Variants in UMPS observed in about 807,000 individuals in gnomAD.
The protein encoded by UMPS is uridine monophosphate synthetase, also known as uridine 5'-monophosphate synthase.
A neutral mutation model predicts 38.9 loss-of-function variants in UMPS; 21 were observed. That is an observed-to-expected ratio of 0.54 (90% CI 0.38 to 0.78). The LOEUF is 0.78. UMPS is among the 30% of genes least tolerant of loss of function. The pLI, the probability that UMPS is intolerant of heterozygous loss-of-function variation, is 0.00. For missense variants in UMPS, 533 were observed against 591.6 expected (o/e 0.90, Z 1.03); for synonymous variants, 208 against 219.3 (o/e 0.95, Z 0.45).
chr3:124,746,157 T>A lies in UMPS; in HGVS notation c.*2073T>A. On this transcript the variant is annotated 3_prime_UTR_variant, in exon 6 of 6. Transcript: ENST00000232607. ...TTTAGAAATGTGGGCTCCTGCCATC[T>A]CCAGGACGCAGGCACTGTTCCTGTT... is the stretch of plus-strand genomic sequence containing the variant. The A allele has an allele frequency of 2.2e-6, 1 of 454,036 alleles. No homozygotes were observed. The highest frequency in any genetic ancestry group is 4.4e-6 in the Non-Finnish European group (1 of 226,710). The allele number at this position is 454,036 out of a possible 1,614,324, so 28.1% of individuals were successfully genotyped here. A position where few individuals can be genotyped will look rare whatever the true frequency, so the allele number is the denominator to read the frequency against.
rs2063588394 is a variant in UMPS at position 124,745,344 on chromosome 3, T to C, written c.*1260T>C. 4.4e-6 allele frequency: 2 copies of C among 452,276 alleles called. No individual in the cohort carries two copies. Among genetic ancestry groups the C allele is most frequent in the African/African-American group, 4.1e-5 (2 of 49,264 alleles). The allele number at this position is 452,276 out of a possible 1,614,324, so 28.0% of individuals were successfully genotyped here. A position where few individuals can be genotyped will look rare whatever the true frequency, so the allele number is the denominator to read the frequency against. ...TGTCAGCTGATGGCCCACTGTTCTT[T>C]AATGACTCAGAGGAATGCCTAGGAT... On this transcript the variant is annotated 3_prime_UTR_variant, in exon 6 of 6. Transcript: ENST00000232607.
intron 1 of UMPS, chr3:124,731,567 C>T (rs764624023): frequency 7.3e-6 from 3 of 412,960 alleles, no homozygotes; most frequent in Non-Finnish European, 1.5e-5. Context: ...CTCACTGCAG[C>T]CTGGAACTCC....
At position 124,748,147 on chromosome 3, in the gene UMPS, C is replaced by A. The variant is rs1336382451; in HGVS notation, c.*4063C>A. 2.3e-6 allele frequency: 1 copy of A among 440,218 alleles called. No homozygotes were observed. The highest frequency in any genetic ancestry group is 1.7e-5 in the South Asian group (1 of 60,066). 27.3% of individuals were successfully genotyped at this position (440,218 alleles called of 1,614,324 possible). On this transcript the variant is annotated 3_prime_UTR_variant, in exon 6 of 6. Transcript: ENST00000232607. ...ATAATACTATATTGCCCAGGCTGGT[C>A]TCGAACTCCTTAGCTCAAGTGATCC...
rs951187638 is a variant in UMPS at position 124,746,204 on chromosome 3, C to A, written c.*2120C>A. ...TGTTGATGAACCCTATTTCACAGGA[C>A]CCCTGCTAAGGTGATTTGAGGGGAA... On this transcript the variant is annotated 3_prime_UTR_variant, in exon 6 of 6. Transcript: ENST00000232607. The A allele has an allele frequency of 4.4e-6, 2 of 453,992 alleles. No individual in the cohort carries two copies. Among genetic ancestry groups the A allele is most frequent in the African/African-American group, 4.0e-5 (2 of 49,996 alleles). The allele number at this position is 453,992 out of a possible 1,614,324, so 28.1% of individuals were successfully genotyped here.
At position 124,746,799 on chromosome 3, in the gene UMPS, A is replaced by ATGTGTGTG. The variant is rs2063604138; in HGVS notation, c.*2717_*2718insTGTGTGTG. 1 of 291,882 alleles carries ATGTGTGTG rather than the reference A, an allele frequency of 3.4e-6. No individual in the cohort carries two copies. The highest frequency in any genetic ancestry group is 2.4e-5 in the South Asian group (1 of 41,192). The allele number at this position is 291,882 out of a possible 1,614,324, so 18.1% of individuals were successfully genotyped here. On this transcript the variant is annotated 3_prime_UTR_variant, in exon 6 of 6. Coordinates refer to ENST00000232607, the MANE Select transcript of UMPS (RefSeq NM_000373.4). The stretch of plus-strand genomic sequence containing the variant: ...TGTGTGTGTGTGTGTGTGTGTGTGC[A>ATGTGTGTG]TGCGCGCGCGTGCGCACTGGAGGAA...
At position 124,738,888 on chromosome 3, in the gene UMPS, T is replaced by C. The variant is rs542289287; in HGVS notation, c.982+649T>C. Among the ~76,000 whole-genome samples the C allele has an allele frequency of 5.9e-5, 9 of 152,398 alleles. No homozygotes were observed. The South Asian group carries it at 1.9e-3, about 32-fold the overall frequency. ...CTATGCAAATTTCTGTCTATGTTTT[T>C]ACAACTGTGTGATCAGACTATATTT... On this transcript the variant is annotated intron_variant, in intron 3 of 5. Coordinates refer to ENST00000232607, the MANE Select transcript of UMPS (RefSeq NM_000373.4).
chr3:124,737,354 T>A (rs1471259147), intron 2 of UMPS: 2 of 560,876 alleles, frequency 3.6e-6, no homozygotes, highest in Non-Finnish European at 6.3e-6. Flanking sequence ...TTACTATAAA[T>A]ATACTGTATG....
chr3:124,735,823 A>C (rs1451752441), intron 2 of UMPS, among the ~76,000 whole-genome samples: 4 of 152,172 alleles, frequency 2.6e-5, no homozygotes, highest in African/African-American at 9.7e-5. Flanking sequence ...CTAAAAATAC[A>C]AAAATTAGCT....
Position 124,738,133 on chromosome 3 carries a change from G to A in UMPS, c.876G>A (p.Leu292=). Residue 292 remains leucine (L), a synonymous_variant, in exon 3 of 6, where the codon CTG becomes CTA. Transcript: ENST00000232607. ...TAGATATTTTGAATGATTTTACTCT[G>A]GATGTGATGAAGGAGTTGATAACTC... is the stretch of plus-strand genomic sequence containing the variant. The part of the protein sequence containing the change: ...THVDILNDFT[L]DVMKELITLA... 6.2e-7 allele frequency: 1 copy of A among 1,614,180 alleles called. No individual in the cohort carries two copies. The highest frequency in any genetic ancestry group is 1.1e-5 in the South Asian group (1 of 91,080).
At chr3:124,739,973 A>G (rs781762530) in intron 3 of UMPS, 51 bp from the exon 4 acceptor site, 176 of 1,584,002 alleles carry the variant, frequency 1.1e-4, no homozygotes, top group Non-Finnish European at 1.3e-4. Flanking sequence ...ACAAGACGTT[A>G]GAGGTTTTGT....
intron 5 of UMPS, chr3:124,742,561 T>C (rs2063564218): frequency 2.5e-6 from 1 of 393,496 alleles, no homozygotes. Context: ...GAGTAAACAC[T>C]CTGTACTTAT....
Position 124,744,114 on chromosome 3 carries a change from G to C in UMPS, c.*30G>C. On this transcript the variant is annotated 3_prime_UTR_variant, in exon 6 of 6. Transcript: ENST00000232607. Reference sequence around the variant, plus strand: ...TTCAGATACATTTTTCAGATACAATGTGAAGACATTGAAGATATGTGGTCC... The same window carrying C: ...TTCAGATACATTTTTCAGATACAATCTGAAGACATTGAAGATATGTGGTCC... 1 of 1,612,634 alleles carries C rather than the reference G, an allele frequency of 6.2e-7. No individual in the cohort carries two copies. Among genetic ancestry groups the C allele is most frequent in the Non-Finnish European group, 8.5e-7 (1 of 1,179,072 alleles).
Position 124,735,220 on chromosome 3 carries a change from T to C in UMPS, c.284T>C (p.Ile95Thr). The C allele has an allele frequency of 6.2e-7, 1 of 1,613,706 alleles. No individual in the cohort carries two copies. Among genetic ancestry groups the C allele is most frequent in the Non-Finnish European group, 8.5e-7 (1 of 1,179,688 alleles). ...TCAACCAATCAAATTCCAATGCTTA[T>C]TAGAAGGAAAGAAACAAAGGATTAT... ...ICSTNQIPMLIRRKETKDYGT... is the reference protein window; with the variant it reads ...ICSTNQIPMLTRRKETKDYGT... The change falls in exon 2 of 6, where the codon ATT becomes ACT. Residue 95 changes from isoleucine (I) to threonine (T), a missense_variant. Transcript: ENST00000232607.
chr3:124,736,919 T>C (rs924382101), intron 2 of UMPS, among the ~76,000 whole-genome samples: 10 of 152,232 alleles, frequency 6.6e-5, no homozygotes, highest in African/African-American at 2.4e-4. Context: ...ATTCTTTAGA[T>C]TGTAGTAATG....
In UMPS at chr3:124,747,075, T is replaced by G. The variant is rs2063607253; in HGVS notation, c.*2991T>G. 1 of 453,564 alleles carries G rather than the reference T, an allele frequency of 2.2e-6. No homozygotes were observed. Among genetic ancestry groups the G allele is most frequent in the Non-Finnish European group, 4.4e-6 (1 of 226,520 alleles). The allele number at this position is 453,564 out of a possible 1,614,324, so 28.1% of individuals were successfully genotyped here. On this transcript the variant is annotated 3_prime_UTR_variant, in exon 6 of 6. Coordinates refer to ENST00000232607, the MANE Select transcript of UMPS (RefSeq NM_000373.4). ...CAGGCTGGAGTATATCATGGCTCAC[T>G]GCAACCTTGACTTGGGCTCAAGCGA...
At chr3:124,739,357 G>A (rs2063540405) in intron 3 of UMPS, among the ~76,000 whole-genome samples, 1 of 151,966 alleles carries the variant, frequency 6.6e-6, no homozygotes, top group Admixed American at 6.6e-5. Flanking sequence ...TTTGAGATGG[G>A]GTCTTGCTCT....
At position 124,730,487 on chromosome 3, in the gene UMPS, G is replaced by A; in HGVS notation, c.16G>A (p.Ala6Thr). 1 of 1,614,200 alleles carries A rather than the reference G, an allele frequency of 6.2e-7. No homozygotes were observed. Among genetic ancestry groups the A allele is most frequent in the East Asian group, 2.2e-5 (1 of 44,888 alleles). The change falls in exon 1 of 6, where the codon GCA (alanine) becomes ACA (threonine). Residue 6 changes from alanine (A) to threonine (T), a missense_variant. Physicochemically the swap from Ala to Thr is moderately conservative, Grantham distance 58. Coordinates refer to ENST00000232607, the MANE Select transcript of UMPS (RefSeq NM_000373.4). Reference protein sequence around the residue: MAVARAALGPLVTGLY... With the variant: MAVARTALGPLVTGLY... ...GCGCGCGACAATGGCGGTCGCTCGTGCAGCTTTGGGGCCATTGGTGACGGG... is the reference window on the plus strand; with the variant it reads ...GCGCGCGACAATGGCGGTCGCTCGTACAGCTTTGGGGCCATTGGTGACGGG...
intron 5 of UMPS, among the ~76,000 whole-genome samples, chr3:124,743,036 A>G (rs184678982): frequency 2.0e-5 from 3 of 152,326 alleles, no homozygotes; most frequent in African/African-American, 7.2e-5. Context: ...TGAAAAAATA[A>G]TGATAAAATA....
At chr3:124,741,521 C>A (rs1357902663) in intron 4 of UMPS, among the ~76,000 whole-genome samples, 4 of 152,168 alleles carry the variant, frequency 2.6e-5, no homozygotes, top group African/African-American at 7.2e-5. Flanking sequence ...GGTGAGATTT[C>A]TTTAGCTCTT....
Sources: allele counts gnomAD v4.1 joint callset (sites outside exome capture counted in the v4.1 genomes callset), GRCh38; gene constraint gnomAD v4.1.1; transcripts MANE v1.5; gene names NCBI Gene and HGNC (gene_info 2026-07-23, HGNC 2026-07-21).